Variants in IL15 observed in about 807,000 individuals in gnomAD.
IL15 encodes the protein interleukin 15, also known as interleukin-15.
In IL15, 11 loss-of-function variants were observed where a neutral mutation model predicts 19.6. That is an observed-to-expected ratio of 0.56 (90% CI 0.35 to 0.93). The LOEUF (loss-of-function observed/expected upper bound fraction) is 0.93. Among genes scored for constraint, IL15 ranks in the 40% least tolerant of loss-of-function variants. The pLI is 0.01. For synonymous variants in IL15, 58 were observed against 59.6 expected (o/e 0.97, Z 0.12); for missense variants, 197 against 186.5 (o/e 1.06, Z -0.33).
intron 2 of IL15, among the ~76,000 whole-genome samples, chr4:141,659,199 C>T (rs1400630827): frequency 1.4e-5 from 2 of 147,156 alleles, no homozygotes; most frequent in African/African-American, 5.1e-5. Flanking sequence ...AACAAGTTTC[C>T]TGGTGTCTTT....
intron 2 of IL15, among the ~76,000 whole-genome samples, chr4:141,673,676 T>C (rs1168641895): frequency 1.3e-5 from 2 of 152,194 alleles, no homozygotes; most frequent in Non-Finnish European, 2.9e-5. Context: ...TCTGAAAATA[T>C]ATTTCAACTC....
chr4:141,686,222 T>C (rs1461392141), intron 2 of IL15, among the ~76,000 whole-genome samples: 1 of 151,706 alleles, frequency 6.6e-6, no homozygotes, highest in Non-Finnish European at 1.5e-5. Context: ...TTGAGCCCCA[T>C]AGGCAGTGGT....
chr4:141,716,073 T>C (rs1208196873), intron 2 of IL15: 1 of 152,192 alleles, frequency 6.6e-6, no homozygotes, highest in Non-Finnish European at 1.5e-5. Flanking sequence ...ACTATAGAGA[T>C]GCCTGCCTGC....
At chr4:141,675,219 C>G (rs563703827) in intron 2 of IL15, among the ~76,000 whole-genome samples, 77 of 151,354 alleles carry the variant, frequency 5.1e-4, no homozygotes, top group African/African-American at 1.8e-3. Context: ...TTAAGTGTGA[C>G]ACTATTCTGG....
chr4:141,670,164 A>T (rs927059295), intron 2 of IL15, among the ~76,000 whole-genome samples: 7 of 151,864 alleles, frequency 4.6e-5, no homozygotes, highest in African/African-American at 1.7e-4. Flanking sequence ...AGTTTCAGAA[A>T]ATTTCTAATT....
intron 2 of IL15, among the ~76,000 whole-genome samples, chr4:141,706,097 A>G (rs1729505289): frequency 1.3e-5 from 2 of 151,888 alleles, no homozygotes; most frequent in Non-Finnish European, 2.9e-5. Flanking sequence ...AACATTAAAA[A>G]AATTACTTTC....
At chr4:141,642,067 T>C (rs1474401002) in intron 1 of IL15, among the ~76,000 whole-genome samples, 1 of 151,936 alleles carries the variant, frequency 6.6e-6, no homozygotes, top group Admixed American at 6.5e-5. Context: ...TAAAACAATA[T>C]TGGAAATATA....
rs527786040 is a variant in IL15, at chr4:141,687,454, G to A, written c.-100+31147G>A. Among the ~76,000 whole-genome samples, 13 of 152,258 alleles carry A rather than the reference G, an allele frequency of 8.5e-5. No individual in the cohort carries two copies. In the East Asian group the frequency reaches 2.5e-3, roughly 29 times the overall value. On this transcript the variant is annotated intron_variant, in intron 2 of 7. Transcript: ENST00000320650. ...TGCTGCAAACTCAGGATGATTTTTAGGAGGTAGAAGGTGAGGACAGGCTAG... is the reference window on the plus strand; with the variant it reads ...TGCTGCAAACTCAGGATGATTTTTAAGAGGTAGAAGGTGAGGACAGGCTAG...
chr4:141,697,008 T>C lies in IL15; in HGVS notation c.-99-22358T>C, dbSNP rs138680310. ...TTTCTCTTGCTGTGCAGAAGCTTTT[T>C]AGTTTAATGAGGTTCCATTTATTTA... On this transcript the variant is annotated intron_variant, in intron 2 of 7. Coordinates refer to ENST00000320650, the MANE Select transcript of IL15 (RefSeq NM_000585.5). Among the ~76,000 whole-genome samples, 882 of 152,260 alleles carry C rather than the reference T, an allele frequency of 5.8e-3. 10 individuals are homozygous for C. The highest frequency in any genetic ancestry group is 0.02 in the African/African-American group (846 of 41,572).
At chr4:141,642,729 A>G (rs1727093107) in intron 1 of IL15, among the ~76,000 whole-genome samples, 1 of 152,128 alleles carries the variant, frequency 6.6e-6, no homozygotes, top group East Asian at 1.9e-4. Flanking sequence ...AACCCTCTAT[A>G]ACTTTTTCTG....
chr4:141,658,860 A>C, intron 2 of IL15, among the ~76,000 whole-genome samples: 1 of 95,554 alleles, frequency 1.0e-5, no homozygotes, highest in East Asian at 5.3e-4. Context: ...TGTTTCTTGG[A>C]ATTTTTTTTT....
At chr4:141,661,042 C>A (rs938737750) in intron 2 of IL15, among the ~76,000 whole-genome samples, 6 of 152,086 alleles carry the variant, frequency 3.9e-5, no homozygotes, top group Admixed American at 3.9e-4. Flanking sequence ...AAATGTAATT[C>A]TCTTGGAAAC....
chr4:141,707,265 T>G (rs1019166287), intron 2 of IL15, among the ~76,000 whole-genome samples: 2 of 152,124 alleles, frequency 1.3e-5, no homozygotes, highest in African/African-American at 4.8e-5. Flanking sequence ...GTTTGGTTCT[T>G]TTAAAATTAT....
chr4:141,703,205 T>C (rs1380256999), intron 2 of IL15, among the ~76,000 whole-genome samples: 1 of 152,200 alleles, frequency 6.6e-6, no homozygotes, highest in Admixed American at 6.5e-5. Context: ...GCATGACTTT[T>C]GGGTCACATC....
At chr4:141,675,288 A>T (rs367872415) in intron 2 of IL15, among the ~76,000 whole-genome samples, 2 of 152,218 alleles carry the variant, frequency 1.3e-5, no homozygotes, top group South Asian at 4.1e-4. Flanking sequence ...TATCATTAAA[A>T]GTTAAAATGT....
At chr4:141,661,192 G>C (rs1348315108) in intron 2 of IL15, among the ~76,000 whole-genome samples, 1 of 152,158 alleles carries the variant, frequency 6.6e-6, no homozygotes, top group Non-Finnish European at 1.5e-5. Context: ...CAGAATTTGT[G>C]CAGGAAATAC....
At chr4:141,730,900 G>A (rs6537060) in intron 7 of IL15, among the ~76,000 whole-genome samples, 72,907 of 151,962 alleles carry the variant, frequency 0.48, 17,556 homozygotes, top group South Asian at 0.59. Flanking sequence ...TAAAGAGGGA[G>A]GAAACAGAAA....
chr4:141,655,705 T>G (rs1727568292), intron 1 of IL15, among the ~76,000 whole-genome samples: 1 of 152,208 alleles, frequency 6.6e-6, no homozygotes, highest in African/African-American at 2.4e-5. Context: ...TATTATACTA[T>G]ATTATGATGT....
intron 6 of IL15, among the ~76,000 whole-genome samples, chr4:141,729,030 A>G (rs1730363084): frequency 6.6e-6 from 1 of 152,088 alleles, no homozygotes; most frequent in Non-Finnish European, 1.5e-5. Flanking sequence ...ACATTTCTGA[A>G]GCTCATTTTT....
Sources: allele counts gnomAD v4.1 joint callset (sites outside exome capture counted in the v4.1 genomes callset), GRCh38; gene constraint gnomAD v4.1.1; transcripts MANE v1.5; gene names NCBI Gene and HGNC (gene_info 2026-07-23, HGNC 2026-07-21).